The following SOX6 variants were observed in gnomAD, a reference collection of about 807,000 sequenced individuals.
SOX6 encodes transcription factor SOX-6.
A neutral mutation model predicts 97.8 loss-of-function variants in SOX6; 11 were observed. The ratio of observed to expected loss-of-function variants is 0.11; its 90% confidence interval spans 0.07 to 0.19. The LOEUF (loss-of-function observed/expected upper bound fraction) is 0.19. Ranked by LOEUF, SOX6 falls within the 10% of genes least tolerant of loss-of-function variation. The pLI is 1.00. For synonymous variants in SOX6, 360 were observed against 371.4 expected (o/e 0.97, Z 0.35); for missense variants, 810 against 1,039.5 (o/e 0.78, Z 3.04).
At chr11:16,012,754 T>C (rs1035669972) in intron 13 of SOX6, among the ~76,000 whole-genome samples, 1 of 152,016 alleles carries the variant, frequency 6.6e-6, no homozygotes, top group African/African-American at 2.4e-5. Flanking sequence ...GCGAGTAATT[T>C]AATTATTCTC....
Position 16,495,013 on chromosome 11 carries a change from A to G in SOX6, n.610-18625T>C, listed in dbSNP as rs530514509. Among the ~76,000 whole-genome samples, 4 of 152,220 alleles carry G rather than the reference A, an allele frequency of 2.6e-5. No individual in the cohort carries two copies. The East Asian group carries it at 7.7e-4, about 29-fold the overall frequency. Reference sequence around the variant, plus strand: ...AGACTGCATCCTGCCTTGGAGCCCAACAGCCCCTGCATCTCCACATCCCTG... The same window carrying G: ...AGACTGCATCCTGCCTTGGAGCCCAGCAGCCCCTGCATCTCCACATCCCTG... On this transcript the variant is annotated intron_variant and non_coding_transcript_variant, in intron 4 of 5. Coordinates refer to the SOX6 transcript ENST00000524520.
At chr11:16,524,288 G>C (rs901144336) in intron 4 of SOX6, among the ~76,000 whole-genome samples, 8 of 151,420 alleles carry the variant, frequency 5.3e-5, no homozygotes, top group African/African-American at 1.7e-4. Flanking sequence ...CCATGATCAA[G>C]TGGGCTTCAT....
intron 1 of SOX6, among the ~76,000 whole-genome samples, chr11:16,401,731 C>T (rs1858563957): frequency 6.6e-6 from 1 of 151,474 alleles, no homozygotes; most frequent in Non-Finnish European, 1.5e-5. Flanking sequence ...CAAAGGAACA[C>T]GGCTTCTCAA....
rs558609227 is a variant in SOX6 at position 16,182,363 on chromosome 11, C to T, written c.777+1523G>A. Among the ~76,000 whole-genome samples the T allele has an allele frequency of 4.0e-4, 61 of 151,880 alleles. No homozygotes were observed. In the South Asian group the frequency reaches 9.9e-3, roughly 25 times the overall value. On this transcript the variant is annotated intron_variant, in intron 6 of 15. Transcript: ENST00000683767. ...AATAGGAGAAACAGAGAGAACTAAACGATCATGTTATTTAACACCTACTGA... is the reference window on the plus strand; with the variant it reads ...AATAGGAGAAACAGAGAGAACTAAATGATCATGTTATTTAACACCTACTGA...
At chr11:16,081,816 ATGAGGAGAACAAAGCATT>A (rs1242853665) in intron 9 of SOX6, among the ~76,000 whole-genome samples, 1 of 152,190 alleles carries the variant, frequency 6.6e-6, no homozygotes, top group Non-Finnish European at 1.5e-5. Flanking sequence ...CATGGAAAAT[ATGAGGAGAACAAAGCATT>A]TTGTCAAATA....
chr11:16,419,317 G>T (rs1762167434), intron 1 of SOX6, among the ~76,000 whole-genome samples: 1 of 152,028 alleles, frequency 6.6e-6, no homozygotes, highest in Admixed American at 6.6e-5. Flanking sequence ...GAGTTTAAAT[G>T]AGTATGGTCT....
At chr11:16,017,267 G>GA (rs1048770081) in intron 12 of SOX6, among the ~76,000 whole-genome samples, 100 of 150,608 alleles carry the variant, frequency 6.6e-4, no homozygotes, top group African/African-American at 2.2e-3. Flanking sequence ...TAACTTCATT[G>GA]AAAAAAAAAT....
chr11:16,208,553 A>C (rs1343629733), intron 4 of SOX6, among the ~76,000 whole-genome samples: 1 of 152,210 alleles, frequency 6.6e-6, no homozygotes, highest in South Asian at 2.1e-4. Context: ...CTGACAGACA[A>C]AGAGTGGTTA....
chr11:15,977,304 C>G (rs371938862), intron 15 of SOX6, among the ~76,000 whole-genome samples: 1 of 152,068 alleles, frequency 6.6e-6, no homozygotes, highest in African/African-American at 2.4e-5. Flanking sequence ...CTTAGTTGCT[C>G]GCTCTCTTGT....
chr11:16,398,434 G>C (rs770237537), intron 1 of SOX6, among the ~76,000 whole-genome samples: 3 of 151,356 alleles, frequency 2.0e-5, no homozygotes, highest in Non-Finnish European at 4.4e-5. Context: ...CCTATTCATC[G>C]TACCGGGTGT....
chr11:16,013,396 C>T (rs1045327129), intron 13 of SOX6, among the ~76,000 whole-genome samples: 12 of 151,996 alleles, frequency 7.9e-5, no homozygotes, highest in African/African-American at 2.9e-4. Flanking sequence ...GTGTTGCACT[C>T]GGATGGTTAA....
chr11:16,500,548 A>G (rs1860687293), intron 4 of SOX6, among the ~76,000 whole-genome samples: 1 of 152,178 alleles, frequency 6.6e-6, no homozygotes, highest in Non-Finnish European at 1.5e-5. Flanking sequence ...ACATGATTGT[A>G]TATCTAGAAA....
chr11:16,299,657 T>C (rs908851437), intron 3 of SOX6, among the ~76,000 whole-genome samples: 1 of 152,248 alleles, frequency 6.6e-6, no homozygotes, highest in Admixed American at 6.5e-5. Flanking sequence ...AATCTGCGTA[T>C]GTATTGCTAA....
intron 2 of SOX6, among the ~76,000 whole-genome samples, chr11:16,726,375 C>T (rs756700500): frequency 4.9e-4 from 74 of 152,180 alleles, no homozygotes; most frequent in Non-Finnish European, 9.0e-4. Context: ...TGAGATCACG[C>T]CACTTCACTC....
intron 3 of SOX6, among the ~76,000 whole-genome samples, chr11:16,288,636 T>C (rs1251633189): frequency 1.3e-5 from 2 of 152,014 alleles, no homozygotes; most frequent in African/African-American, 2.4e-5. Context: ...TATGGGGACA[T>C]GCTATTAATA....
At chr11:16,129,874 C>T (rs541541563) in intron 6 of SOX6, among the ~76,000 whole-genome samples, 1 of 152,186 alleles carries the variant, frequency 6.6e-6, no homozygotes, top group East Asian at 1.9e-4. Flanking sequence ...AGGATCCTTG[C>T]TTTCTACCTA....
intron 4 of SOX6, among the ~76,000 whole-genome samples, chr11:16,526,153 T>G (rs1242053789): frequency 2.0e-5 from 3 of 152,192 alleles, no homozygotes; most frequent in South Asian, 2.1e-4. Flanking sequence ...CAAAGGACTA[T>G]AAATCATGCT....
At chr11:16,407,257 C>T (rs1256001240) in intron 1 of SOX6, among the ~76,000 whole-genome samples, 4 of 152,048 alleles carry the variant, frequency 2.6e-5, no homozygotes, top group African/African-American at 9.7e-5. Flanking sequence ...GCCACAATAG[C>T]AGTGTTTAAA....
At chr11:16,591,362 G>GATAGATAGATAGATAGATAGATAA (rs1554976554) in intron 4 of SOX6, among the ~76,000 whole-genome samples, 2 of 149,896 alleles carry the variant, frequency 1.3e-5, no homozygotes, top group South Asian at 2.2e-4. Flanking sequence ...CAGATAGATA[G>GATAGATAGATAGATAGATAGATAA]ATAGATAGAT....
Sources: gnomAD v4.1 joint callset for allele counts (sites outside exome capture counted in the v4.1 genomes callset) on GRCh38, gnomAD v4.1.1 for gene constraint, MANE v1.5 for transcripts, NCBI Gene and HGNC (gene_info 2026-07-23, HGNC 2026-07-21) for gene names.